Variants in SGCE observed in about 807,000 individuals in gnomAD.
SGCE encodes epsilon-sarcoglycan.
In SGCE, 26 loss-of-function variants were observed where a neutral mutation model predicts 57.8. The observed-to-expected ratio is 0.45, with a 90% CI of 0.33 to 0.62. The LOEUF (loss-of-function observed/expected upper bound fraction) is 0.62. SGCE is among the 20% of genes least tolerant of loss of function. The pLI is 0.02. For synonymous variants in SGCE, 183 were observed against 189.5 expected, an observed-to-expected ratio of 0.97 and a Z score of 0.28; for missense variants, 468 against 548.6, an observed-to-expected ratio of 0.85 and a Z score of 1.47.
intron 1 of SGCE, among the ~76,000 whole-genome samples, chr7:94,639,983 C>T (rs1806143890): frequency 6.6e-6 from 1 of 152,010 alleles, no homozygotes; most frequent in Non-Finnish European, 1.5e-5. Flanking sequence ...AAAGTGGTGC[C>T]AATTACAAGA....
intron 1 of SGCE, among the ~76,000 whole-genome samples, chr7:94,633,574 T>C (rs1805066633): frequency 6.6e-6 from 1 of 152,000 alleles, no homozygotes; most frequent in Non-Finnish European, 1.5e-5. Flanking sequence ...CTCTATATTA[T>C]GTGACAGCAT....
chr7:94,601,075 T>G (rs144895521), intron 6 of SGCE, among the ~76,000 whole-genome samples: 37 of 152,302 alleles, frequency 2.4e-4, no homozygotes, highest in African/African-American at 8.9e-4. Context: ...TTCTATGTTC[T>G]TCCTAAAACA....
At chr7:94,645,641 G>A (rs956139539) in intron 1 of SGCE, among the ~76,000 whole-genome samples, 6 of 152,134 alleles carry the variant, frequency 3.9e-5, no homozygotes, top group Non-Finnish European at 8.8e-5. Context: ...CAGTGTCTGG[G>A]TTCAAATCCT....
At chr7:94,641,314 T>C (rs1806349699) in intron 1 of SGCE, among the ~76,000 whole-genome samples, 1 of 152,168 alleles carries the variant, frequency 6.6e-6, no homozygotes, top group Admixed American at 6.5e-5. Context: ...AAGGTCAAGA[T>C]GTAGATGCAG....
At chr7:94,596,670 A>G (rs1231901980) in intron 9 of SGCE, among the ~76,000 whole-genome samples, 1 of 152,126 alleles carries the variant, frequency 6.6e-6, no homozygotes, top group Non-Finnish European at 1.5e-5. Flanking sequence ...CCTTGTACTT[A>G]TTAATTAACC....
chr7:94,605,238 G>A (rs563629558), intron 5 of SGCE, among the ~76,000 whole-genome samples: 1 of 151,916 alleles, frequency 6.6e-6, no homozygotes, highest in South Asian at 2.1e-4. Flanking sequence ...ATATGCAGAG[G>A]GCTCTAATGA....
intron 1 of SGCE, among the ~76,000 whole-genome samples, chr7:94,642,809 T>C (rs1263504760): frequency 6.6e-6 from 1 of 152,232 alleles, no homozygotes; most frequent in African/African-American, 2.4e-5. Context: ...TATTTGTGGA[T>C]ATGACAAGCA....
chr7:94,635,565 C>T (rs575509275), intron 1 of SGCE, among the ~76,000 whole-genome samples: 24 of 152,296 alleles, frequency 1.6e-4, no homozygotes, highest in South Asian at 1.2e-3. Context: ...GAACAAGAGG[C>T]AAATCTCACT....
intron 5 of SGCE, among the ~76,000 whole-genome samples, chr7:94,611,155 C>T (rs547559046): frequency 3.9e-5 from 6 of 152,242 alleles, no homozygotes; most frequent in Non-Finnish European, 5.9e-5. Flanking sequence ...GGATATACTT[C>T]AGAAAAATGA....
chr7:94,590,029 G>C (rs1562784304), intron 9 of SGCE: 1 of 151,956 alleles, frequency 6.6e-6, no homozygotes, highest in African/African-American at 2.4e-5. Context: ...ATATTTCCTT[G>C]TATCTATCTG....
intron 10 of SGCE, chr7:94,588,464 GGA>G (rs1797206941): frequency 7.4e-7 from 1 of 1,354,940 alleles, no homozygotes; most frequent in East Asian, 2.9e-5. Context: ...GGACCTCCAT[GGA>G]TGCTTTTGCT....
intron 9 of SGCE, 49 bp from the exon 10 acceptor site, chr7:94,588,781 T>A (rs920831642): frequency 1.2e-6 from 2 of 1,611,268 alleles, no homozygotes; most frequent in South Asian, 2.2e-5. Context: ...TACACACTTG[T>A]AAACAGAGAG....
chr7:94,632,847 T>C (rs999161860), intron 1 of SGCE, among the ~76,000 whole-genome samples: 1 of 152,058 alleles, frequency 6.6e-6, no homozygotes, highest in Admixed American at 6.6e-5. Context: ...GTTCTTGTTC[T>C]AAACGTGAGC....
chr7:94,642,850 G>A (rs1380587199), intron 1 of SGCE, among the ~76,000 whole-genome samples: 1 of 152,186 alleles, frequency 6.6e-6, no homozygotes, highest in Non-Finnish European at 1.5e-5. Flanking sequence ...CCCATCACCA[G>A]CTCCTGAGCA....
intron 5 of SGCE, among the ~76,000 whole-genome samples, chr7:94,608,694 A>G (rs1162391996): frequency 6.6e-6 from 1 of 152,228 alleles, no homozygotes. Context: ...TACAGCAATC[A>G]AGACAGTGTA....
chr7:94,593,395 C>T (rs985054099), intron 9 of SGCE, among the ~76,000 whole-genome samples: 9 of 151,768 alleles, frequency 5.9e-5, no homozygotes, highest in Non-Finnish European at 1.2e-4. Context: ...AGATGCCTAC[C>T]ACTCCAAAAA....
At chr7:94,608,954 A>C (rs149502528) in intron 5 of SGCE, among the ~76,000 whole-genome samples, 2 of 152,242 alleles carry the variant, frequency 1.3e-5, no homozygotes, top group African/African-American at 4.8e-5. Context: ...ATGCAAAACT[A>C]TGAAACTTCT....
At chr7:94,614,107 CAAA>C (rs925650428) in intron 5 of SGCE, among the ~76,000 whole-genome samples, 19 of 94,964 alleles carry the variant, frequency 2.0e-4, no homozygotes, top group Non-Finnish European at 3.6e-4. Context: ...AAATTGAAAT[CAAA>C]AAAAAAAAAA....
At chr7:94,654,429 A>G (rs1808304105) in intron 1 of SGCE, among the ~76,000 whole-genome samples, 1 of 152,240 alleles carries the variant, frequency 6.6e-6, no homozygotes, top group South Asian at 2.1e-4. Flanking sequence ...AACTGGTAAG[A>G]ATTTGACAGC....
Sources: allele counts gnomAD v4.1 joint callset (sites outside exome capture counted in the v4.1 genomes callset), GRCh38; gene constraint gnomAD v4.1.1; transcripts MANE v1.5; gene names NCBI Gene and HGNC (gene_info 2026-07-23, HGNC 2026-07-21).